The following TBCK variants were observed in gnomAD, a reference collection of about 807,000 sequenced individuals.
The protein encoded by TBCK is TBC domain-containing protein kinase-like protein.
TBCK carries 99 observed loss-of-function variants against 113.4 expected under a neutral mutation model. That is an observed-to-expected ratio of 0.87 (90% confidence interval 0.74 to 1.03). The LOEUF is 1.03. Ranked by LOEUF, TBCK falls within the 50% of genes least tolerant of loss-of-function variation. The probability of loss-of-function intolerance (pLI) is 0.00; values close to 1 mark genes in which losing one functional copy is unlikely to be tolerated. For synonymous variants in TBCK, 369 were observed against 370.8 expected (o/e 1.00, Z 0.05); for missense variants, 1,045 against 1,061.3 (o/e 0.98, Z 0.21).
intron 23 of TBCK, chr4:106,164,357 A>G (rs1029957540): frequency 1.3e-5 from 2 of 152,060 alleles, no homozygotes; most frequent in Admixed American, 6.6e-5. Flanking sequence ...TTAGCAAAAA[A>G]AAGGATACAT....
chr4:106,087,168 T>G (rs557749436), intron 25 of TBCK, among the ~76,000 whole-genome samples: 66 of 152,272 alleles, frequency 4.3e-4, no homozygotes, highest in Admixed American at 7.2e-4. Context: ...TAACATGATT[T>G]TATATTTATA....
chr4:106,216,462 A>G (rs1163436417), intron 19 of TBCK, among the ~76,000 whole-genome samples: 1 of 152,228 alleles, frequency 6.6e-6, no homozygotes, highest in Non-Finnish European at 1.5e-5. Flanking sequence ...AAATTGATAG[A>G]CCGCTAGCAA....
chr4:106,191,455 T>C (rs1753656668), intron 22 of TBCK, among the ~76,000 whole-genome samples: 1 of 152,230 alleles, frequency 6.6e-6, no homozygotes, highest in Non-Finnish European at 1.5e-5. Context: ...ATTTGAAGTT[T>C]ATACTATTAC....
At chr4:106,242,182 A>T (rs1022370471) in intron 12 of TBCK, among the ~76,000 whole-genome samples, 1 of 152,240 alleles carries the variant, frequency 6.6e-6, no homozygotes, top group African/African-American at 2.4e-5. Flanking sequence ...ATACCATTAG[A>T]TTAACAATTT....
At chr4:106,129,541 TAAAG>T (rs1480533981) in intron 23 of TBCK, among the ~76,000 whole-genome samples, 1 of 152,176 alleles carries the variant, frequency 6.6e-6, no homozygotes, top group African/African-American at 2.4e-5. Context: ...GATGAATTCT[TAAAG>T]AAGAGTAATG....
chr4:106,230,557 T>C, intron 18 of TBCK, 111 bp from the exon 19 acceptor site: 1 of 490,340 alleles, frequency 2.0e-6, no homozygotes, highest in Non-Finnish European at 3.5e-6. Context: ...AAATAACAGT[T>C]ATGATAGCCA....
chr4:106,287,248 C>G (rs946956152), intron 3 of TBCK, among the ~76,000 whole-genome samples: 2 of 152,104 alleles, frequency 1.3e-5, no homozygotes, highest in Non-Finnish European at 2.9e-5. Flanking sequence ...TACTCTACCC[C>G]CTATTCTTAG....
intron 23 of TBCK, among the ~76,000 whole-genome samples, chr4:106,156,858 C>A (rs73838114): frequency 0.013 from 1,904 of 152,208 alleles, 34 homozygotes; most frequent in African/African-American, 0.041. Context: ...ACTCTACTTC[C>A]CTGTGGCTGA....
At chr4:106,164,557 GA>G (rs1750152883) in intron 23 of TBCK, 1 of 151,722 alleles carries the variant, frequency 6.6e-6, no homozygotes, top group Admixed American at 6.6e-5. Flanking sequence ...AAATAAGAGT[GA>G]AAAACACATT....
chr4:106,180,945 A>G (rs1310519051), intron 22 of TBCK, among the ~76,000 whole-genome samples: 1 of 152,166 alleles, frequency 6.6e-6, no homozygotes, highest in Non-Finnish European at 1.5e-5. Context: ...TAGATCCTTG[A>G]GGAATCGCCA....
At chr4:106,120,038 A>G (rs28786712) in intron 23 of TBCK, among the ~76,000 whole-genome samples, 10,404 of 152,218 alleles carry the variant, frequency 0.068, 399 homozygotes, top group Non-Finnish European at 0.08. Flanking sequence ...TGATTTCTGC[A>G]TTTCCATCTG....
chr4:106,124,293 A>G (rs1744862599), intron 23 of TBCK, among the ~76,000 whole-genome samples: 1 of 152,242 alleles, frequency 6.6e-6, no homozygotes, highest in South Asian at 2.1e-4. Context: ...AATCAAAACC[A>G]CAATGAGATA....
intron 23 of TBCK, among the ~76,000 whole-genome samples, chr4:106,131,516 G>C (rs1745922882): frequency 6.6e-6 from 1 of 152,230 alleles, no homozygotes; most frequent in African/African-American, 2.4e-5. Flanking sequence ...GGGAGGCTGA[G>C]GCAGGAGAAT....
intron 3 of TBCK, among the ~76,000 whole-genome samples, chr4:106,282,886 A>C (rs1764750754): frequency 6.6e-6 from 1 of 152,130 alleles, no homozygotes; most frequent in Non-Finnish European, 1.5e-5. Flanking sequence ...AGTCACAGTA[A>C]TCAAGAAAAC....
At chr4:106,256,877 C>T (rs1368761604) in intron 5 of TBCK, among the ~76,000 whole-genome samples, 3 of 152,084 alleles carry the variant, frequency 2.0e-5, no homozygotes, top group Admixed American at 6.5e-5. Flanking sequence ...TGATGCTATA[C>T]ATGTTTGTTT....
intron 23 of TBCK, among the ~76,000 whole-genome samples, chr4:106,144,664 T>G (rs1341995779): frequency 6.6e-6 from 1 of 152,202 alleles, no homozygotes; most frequent in Non-Finnish European, 1.5e-5. Flanking sequence ...TTATCTTTCT[T>G]TTGGCTTTTC....
intron 12 of TBCK, among the ~76,000 whole-genome samples, chr4:106,241,442 C>G (rs1391090609): frequency 6.6e-6 from 1 of 151,808 alleles, no homozygotes; most frequent in Admixed American, 6.6e-5. Flanking sequence ...AGTTCCTACT[C>G]CATTTTGAGG....
At position 106,050,200 on chromosome 4, in the gene TBCK, C is replaced by T. The variant is rs1465662699; in HGVS notation, c.2572-3520G>A. Among the ~76,000 whole-genome samples, 3 of 151,928 alleles carry T rather than the reference C, an allele frequency of 2.0e-5. No homozygotes were observed. In the East Asian group the frequency reaches 5.8e-4, roughly 29 times the overall value. ...GATATGACAATTCTAAATCTGTGAG[C>T]ATTCAATAACTAAGACTCAGAATAT... On this transcript the variant is annotated intron_variant, in intron 25 of 25. Coordinates refer to ENST00000394708, the MANE Select transcript of TBCK (RefSeq NM_001163435.3).
At chr4:106,122,373 G>A (rs1309098358) in intron 23 of TBCK, among the ~76,000 whole-genome samples, 1 of 152,110 alleles carries the variant, frequency 6.6e-6, no homozygotes, top group Non-Finnish European at 1.5e-5. Flanking sequence ...TGAAATTGTG[G>A]CAATAATCAA....
Sources: gnomAD v4.1 joint callset for allele counts (sites outside exome capture counted in the v4.1 genomes callset) on GRCh38, gnomAD v4.1.1 for gene constraint, MANE v1.5 for transcripts, NCBI Gene and HGNC (gene_info 2026-07-23, HGNC 2026-07-21) for gene names.